Variants in ACLY observed in about 807,000 individuals in gnomAD.
ACLY encodes the protein ATP citrate lyase, also known as ATP-citrate synthase.
Under a neutral mutation model 133.0 loss-of-function variants are expected in ACLY, and 41 were observed. The ratio of observed to expected loss-of-function variants is 0.31; its 90% CI spans 0.24 to 0.40. The LOEUF is 0.40. Ranked by LOEUF, ACLY falls within the 10% of genes least tolerant of loss-of-function variation. The pLI, the probability that ACLY is intolerant of heterozygous loss-of-function variation, is 1.00. For synonymous variants in ACLY, 495 were observed against 549.3 expected, an observed-to-expected ratio of 0.90 and a Z score of 1.38; for missense variants, 1,046 against 1,453.8, an observed-to-expected ratio of 0.72 and a Z score of 4.56.
chr17:41,893,549 T>A (rs1032092338), intron 14 of ACLY, among the ~76,000 whole-genome samples: 2 of 152,326 alleles, frequency 1.3e-5, no homozygotes, highest in African/African-American at 4.8e-5. Flanking sequence ...CAAATTATTT[T>A]TAAAGTCATT....
chr17:41,930,524 T>G, exon 1 of ACLY: 1 of 546,182 alleles, frequency 1.8e-6, no homozygotes, highest in East Asian at 3.1e-5. Context: ...CATCACTCCC[T>G]GGCCCAGTGC....
At chr17:41,908,019 G>A (rs1555632987) in intron 6 of ACLY, among the ~76,000 whole-genome samples, 1 of 152,146 alleles carries the variant, frequency 6.6e-6, no homozygotes, top group African/African-American at 2.4e-5. Context: ...AGGTGGAGCA[G>A]GGGCCGCAGG....
intron 3 of ACLY, among the ~76,000 whole-genome samples, chr17:41,912,185 A>G (rs2049922795): frequency 6.6e-6 from 1 of 152,028 alleles, no homozygotes; most frequent in African/African-American, 2.4e-5. Context: ...TCTGCAGCAC[A>G]TCTTGCCCAA....
chr17:41,872,277 G>A (rs1224828715), intron 23 of ACLY, 95 bp from the exon 24 acceptor site: 3 of 1,251,050 alleles, frequency 2.4e-6, no homozygotes, highest in Non-Finnish European at 3.4e-6. Context: ...ATCCAAGAAG[G>A]GTAACTACCA....
In ACLY at chr17:41,894,141, C is replaced by T. The variant is rs567509221; in HGVS notation, c.1460-967G>A. ...TGAGGCAGGGAGAATCGCTCGAACCCGGGAGGCAGAGGTTGCAGTGAGCCG... is the reference window on the plus strand; with the variant it reads ...TGAGGCAGGGAGAATCGCTCGAACCTGGGAGGCAGAGGTTGCAGTGAGCCG... On this transcript the variant is annotated intron_variant, in intron 14 of 28. Transcript: ENST00000352035. Among the ~76,000 whole-genome samples, 46 of 150,872 alleles carry T rather than the reference C, an allele frequency of 3.0e-4. No individual in the cohort carries two copies. In the South Asian group the frequency reaches 7.8e-3, roughly 25 times the overall value.
At chr17:41,868,346 G>A (rs1180011060) in intron 28 of ACLY, among the ~76,000 whole-genome samples, 1 of 148,050 alleles carries the variant, frequency 6.8e-6, no homozygotes, top group African/African-American at 2.5e-5. Flanking sequence ...GCTGAGGCAG[G>A]AGAATCGCTT....
Position 41,871,821 on chromosome 17 carries a change from A to T in ACLY, c.2805T>A (p.Phe935Leu). 1 of 1,613,960 alleles carries T rather than the reference A, an allele frequency of 6.2e-7. No homozygotes were observed. The highest frequency in any genetic ancestry group is 8.5e-7 in the Non-Finnish European group (1 of 1,180,000). ...TGGCTGCTGCATCCAAGGCACCCCC[A>T]AACCGATCCCCCTGGAGGAGAAACA... ...TSGLLTIGDR[F>L]GGALDAAAKM... The change falls in exon 25 of 29, where the codon TTT (phenylalanine) becomes TTA (leucine). Residue 935 changes from phenylalanine to leucine, a missense_variant. Around this residue, in one of 4 missense-constraint regions of ACLY, gnomAD observed 205 missense variants for 373.3 expected, o/e 0.55. Coordinates refer to ENST00000352035, the MANE Select transcript of ACLY (RefSeq NM_001096.3).
chr17:41,912,111 C>CA (rs1338754693), intron 3 of ACLY, among the ~76,000 whole-genome samples: 968 of 68,162 alleles, frequency 0.014, 11 homozygotes, highest in East Asian at 0.041. Flanking sequence ...AAGACCCTGT[C>CA]AAAAAAAAAA....
At chr17:41,922,519 A>C (rs2050195404), upstream of ACLY, among the ~76,000 whole-genome samples, 1 of 152,034 alleles carries the variant, frequency 6.6e-6, no homozygotes, top group African/African-American at 2.4e-5. Flanking sequence ...GGGACATAAA[A>C]TATAATAAAC....
At chr17:41,914,024 A>C in intron 1 of ACLY, 128 bp from the exon 2 acceptor site, 1 of 909,132 alleles carries the variant, frequency 1.1e-6, no homozygotes, top group Non-Finnish European at 1.7e-6. Context: ...CTCAAGAGGA[A>C]GGAAAAAATG....
chr17:41,886,796 C>T (rs2049057823), intron 17 of ACLY, among the ~76,000 whole-genome samples: 1 of 151,600 alleles, frequency 6.6e-6, no homozygotes, highest in Non-Finnish European at 1.5e-5. Context: ...CAGCAAGACC[C>T]TGCTTCTTAA....
intron 25 of ACLY, 147 bp downstream of exon 25, chr17:41,871,542 A>C: frequency 1.2e-6 from 1 of 861,996 alleles, no homozygotes; most frequent in South Asian, 1.6e-5. Flanking sequence ...TTTAGTAGAG[A>C]CGGGGTTTCT....
intron 18 of ACLY, among the ~76,000 whole-genome samples, chr17:41,884,721 C>T (rs1207291450): frequency 1.3e-5 from 2 of 152,256 alleles, no homozygotes; most frequent in East Asian, 1.9e-4. Context: ...CCCGTCTCTA[C>T]TAAAAATACA....
At chr17:41,894,392 A>AG in intron 14 of ACLY, among the ~76,000 whole-genome samples, 2 of 150,934 alleles carry the variant, frequency 1.3e-5, no homozygotes, top group African/African-American at 4.9e-5. Context: ...AAAAAAAAAA[A>AG]AAAAAAAGGG....
chr17:41,919,674 A>G (rs1389208745), upstream of ACLY, among the ~76,000 whole-genome samples: 1 of 152,230 alleles, frequency 6.6e-6, no homozygotes, highest in Admixed American at 6.5e-5. Context: ...GGAGCTAGGA[A>G]TTCAATGCGA....
chr17:41,917,569 GA>G (rs2050083246), intron 1 of ACLY, among the ~76,000 whole-genome samples: 1 of 152,150 alleles, frequency 6.6e-6, no homozygotes, highest in Non-Finnish European at 1.5e-5. Context: ...AATCACTGGG[GA>G]TGCTACTAAG....
chr17:41,924,641 C>T (rs1371261172), intron 1 of ACLY, among the ~76,000 whole-genome samples: 1 of 152,160 alleles, frequency 6.6e-6, no homozygotes, highest in Non-Finnish European at 1.5e-5. Flanking sequence ...GAGCTAAGGG[C>T]CTGTGTGTCC....
At chr17:41,892,686 T>G (rs1386137704) in intron 15 of ACLY, among the ~76,000 whole-genome samples, 2 of 151,926 alleles carry the variant, frequency 1.3e-5, no homozygotes, top group African/African-American at 4.8e-5. Flanking sequence ...TGCCTTTTTT[T>G]TTTCTTTTGA....
intron 1 of ACLY, among the ~76,000 whole-genome samples, chr17:41,918,652 C>G (rs558366724): frequency 5.9e-5 from 9 of 152,280 alleles, no homozygotes; most frequent in Middle Eastern, 3.4e-3. Context: ...CTCCCAGGAA[C>G]TGGAATATGT....
Sources: allele counts gnomAD v4.1 joint callset (sites outside exome capture counted in the v4.1 genomes callset), GRCh38; gene constraint gnomAD v4.1.1; regional missense constraint gnomAD v4.1.1; transcripts MANE v1.5; gene names NCBI Gene and HGNC (gene_info 2026-07-23, HGNC 2026-07-21).